The following PAPPA variants were observed in gnomAD, a reference collection of about 807,000 sequenced individuals.
PAPPA encodes pappalysin-1.
A neutral mutation model predicts 164.0 loss-of-function variants in PAPPA; 60 were observed. That is an observed-to-expected ratio of 0.37 (90% CI 0.30 to 0.45). PAPPA has a LOEUF of 0.45. Among genes scored for constraint, PAPPA ranks in the 20% least tolerant of loss-of-function variants. The pLI is 1.00. For missense variants in PAPPA, 1,782 were observed against 2,087.3 expected (o/e 0.85, Z 2.85); for synonymous variants, 875 against 814.1 (o/e 1.07, Z -1.27).
chr9:116,362,615 T>C lies in PAPPA; in HGVS notation c.4371T>C (p.His1457=), dbSNP rs774034296. The C allele has an allele frequency of 5.0e-6, 8 of 1,614,052 alleles. No homozygotes were observed. The highest frequency in any genetic ancestry group is 1.1e-5 in the South Asian group (1 of 91,050). Residue 1457 remains histidine, a synonymous_variant, in exon 18 of 22, where the codon CAT becomes CAC. Transcript: ENST00000328252. ...ASQGLGSNVI[H]CRKDGTWNGS... ...AGGGACTTGGGAGCAATGTCATTCA[T>C]TGCCGGAAAGATGGCACCTGGAACG...
At chr9:116,272,664 A>G (rs2118828317) in intron 9 of PAPPA, among the ~76,000 whole-genome samples, 1 of 152,344 alleles carries the variant, frequency 6.6e-6, no homozygotes, top group South Asian at 2.1e-4. Flanking sequence ...AGGAGAAAAG[A>G]CATGGGAGTT....
intron 2 of PAPPA, among the ~76,000 whole-genome samples, chr9:116,196,349 C>T (rs1353992386): frequency 1.3e-5 from 2 of 152,076 alleles, no homozygotes; most frequent in Non-Finnish European, 2.9e-5. Flanking sequence ...TTTTTCCCAC[C>T]CTGGGTTTGG....
chr9:116,206,653 T>C (rs1844239483), intron 2 of PAPPA, among the ~76,000 whole-genome samples: 5 of 152,152 alleles, frequency 3.3e-5, no homozygotes, highest in Admixed American at 2.6e-4. Flanking sequence ...AAGTGTGTAT[T>C]ATGTAATAGA....
chr9:116,198,664 G>A (rs974880221), intron 2 of PAPPA, among the ~76,000 whole-genome samples: 4 of 152,212 alleles, frequency 2.6e-5, no homozygotes, highest in Non-Finnish European at 5.9e-5. Flanking sequence ...TGTCCTAAAG[G>A]ATGATTCGTG....
chr9:116,394,946 T>C (rs897243291), intron 21 of PAPPA, among the ~76,000 whole-genome samples: 1 of 152,174 alleles, frequency 6.6e-6, no homozygotes, highest in Admixed American at 6.5e-5. Flanking sequence ...ACCTGGTCCC[T>C]GCCTTATGGG....
At chr9:116,352,292 C>T (rs924103506) in intron 15 of PAPPA, among the ~76,000 whole-genome samples, 1 of 152,166 alleles carries the variant, frequency 6.6e-6, no homozygotes, top group Non-Finnish European at 1.5e-5. Context: ...CATGCACTCA[C>T]TGATATCAGA....
At chr9:116,312,288 C>CTTTTTTTTTT (rs5900201) in intron 10 of PAPPA, among the ~76,000 whole-genome samples, 78 of 129,576 alleles carry the variant, frequency 6.0e-4, no homozygotes, top group South Asian at 1.0e-3. Context: ...TTCTTTCTTT[C>CTTTTTTTTTT]TTTTTTTTTT....
At chr9:116,217,461 T>A (rs958969282) in intron 4 of PAPPA, among the ~76,000 whole-genome samples, 1 of 152,222 alleles carries the variant, frequency 6.6e-6, no homozygotes, top group Non-Finnish European at 1.5e-5. Context: ...TCTAATATTT[T>A]CACCATTATA....
intron 21 of PAPPA, among the ~76,000 whole-genome samples, chr9:116,389,129 CTTTTTT>C (rs374938651): frequency 0.046 from 5,978 of 128,838 alleles, 187 homozygotes; most frequent in Admixed American, 0.092. Context: ...CAGAATAATC[CTTTTTT>C]TTTTTTTTTT....
At chr9:116,176,313 T>C (rs1399381251) in intron 1 of PAPPA, among the ~76,000 whole-genome samples, 8 of 152,166 alleles carry the variant, frequency 5.3e-5, no homozygotes. Flanking sequence ...GAGGTTTGTC[T>C]GTTTGGGGGA....
At chr9:116,330,384 T>C (rs1234838464) in intron 10 of PAPPA, among the ~76,000 whole-genome samples, 1 of 152,206 alleles carries the variant, frequency 6.6e-6, no homozygotes, top group African/African-American at 2.4e-5. Context: ...TCTAAGCTCT[T>C]CAGCATCTGT....
chr9:116,369,122 C>T (rs2118653977), intron 19 of PAPPA, among the ~76,000 whole-genome samples: 1 of 152,214 alleles, frequency 6.6e-6, no homozygotes, highest in Admixed American at 6.5e-5. Flanking sequence ...CTCTCTCCCA[C>T]ACTCTCCTTT....
chr9:116,321,709 C>T (rs1394782669), intron 10 of PAPPA, among the ~76,000 whole-genome samples: 4 of 152,162 alleles, frequency 2.6e-5, no homozygotes, highest in Non-Finnish European at 5.9e-5. Context: ...TAATGCGTCA[C>T]CAATCTTATA....
chr9:116,219,354 T>C (rs1187607767), intron 4 of PAPPA, among the ~76,000 whole-genome samples: 1 of 152,236 alleles, frequency 6.6e-6, no homozygotes, highest in Non-Finnish European at 1.5e-5. Flanking sequence ...TTCCATGCCC[T>C]TGGGCACAGA....
intron 19 of PAPPA, among the ~76,000 whole-genome samples, chr9:116,374,186 T>C (rs2118673845): frequency 9.3e-6 from 1 of 107,852 alleles, no homozygotes; most frequent in East Asian, 2.7e-4. Context: ...ATGATGATGG[T>C]GGTGATGATG....
intron 7 of PAPPA, among the ~76,000 whole-genome samples, chr9:116,262,711 C>G: frequency 6.6e-6 from 1 of 152,120 alleles, no homozygotes; most frequent in East Asian, 1.9e-4. Flanking sequence ...TAGGGTCCAT[C>G]TGAATGTAGG....
chr9:116,235,012 C>T (rs1028006583), intron 6 of PAPPA, 127 bp from the exon 7 acceptor site: 3 of 1,007,424 alleles, frequency 3.0e-6, no homozygotes, highest in Non-Finnish European at 4.5e-6. Context: ...CACCAAGAAC[C>T]TTCCTCTCCT....
chr9:116,212,067 A>C, intron 4 of PAPPA, 135 bp downstream of exon 4: 2 of 740,456 alleles, frequency 2.7e-6, no homozygotes, highest in Non-Finnish European at 4.5e-6. Context: ...TTATCCACCT[A>C]ATGTCTTTCG....
At chr9:116,320,107 A>G (rs1845835665) in intron 10 of PAPPA, among the ~76,000 whole-genome samples, 1 of 152,150 alleles carries the variant, frequency 6.6e-6, no homozygotes, top group Admixed American at 6.5e-5. Flanking sequence ...TAGTTTCCCT[A>G]TCTGTAAAAA....
Sources: allele counts gnomAD v4.1 joint callset (sites outside exome capture counted in the v4.1 genomes callset), GRCh38; gene constraint gnomAD v4.1.1; transcripts MANE v1.5; gene names NCBI Gene and HGNC (gene_info 2026-07-23, HGNC 2026-07-21).